Variants in LEPR observed in about 807,000 individuals in gnomAD.
LEPR encodes OB receptor.
In LEPR, 56 loss-of-function variants were observed where a neutral mutation model predicts 114.7. That is an observed-to-expected ratio of 0.49 (90% CI 0.39 to 0.61). The LOEUF (loss-of-function observed/expected upper bound fraction) is 0.61, where lower values mean the gene tolerates loss of function less well. LEPR is among the 20% of genes least tolerant of loss of function. The probability of loss-of-function intolerance (pLI) is 0.00; values close to 1 mark genes in which losing one functional copy is unlikely to be tolerated. For missense variants in LEPR, 1,202 were observed against 1,352.9 expected (o/e 0.89, Z 1.75); for synonymous variants, 443 against 461.4 (o/e 0.96, Z 0.51).
chr1:65,616,139 A>G lies in LEPR; in HGVS notation c.2127A>G (p.Ala709=). 1 of 1,614,218 alleles carries G rather than the reference A, an allele frequency of 6.2e-7. No individual in the cohort carries two copies. ...TCACTTTCCTGTGGACAGAGCAAGCACATACTGTTACGGTTCTGGCCATCA... is the reference window on the plus strand; with the variant it reads ...TCACTTTCCTGTGGACAGAGCAAGCGCATACTGTTACGGTTCTGGCCATCA... The part of the protein sequence containing the change: ...TKFTFLWTEQ[A]HTVTVLAINS... The change falls in exon 15 of 20, where the codon GCA becomes GCG. Residue 709 remains alanine, a synonymous_variant. Coordinates refer to ENST00000349533, the MANE Select transcript of LEPR (RefSeq NM_002303.6).
At chr1:65,428,659 C>T (rs3790433) in intron 2 of LEPR, among the ~76,000 whole-genome samples, 59,082 of 151,794 alleles carry the variant, frequency 0.39, 14,616 homozygotes, top group African/African-American at 0.71. Context: ...GCTGTCTGGG[C>T]GTATCTGTGT....
intron 2 of LEPR, among the ~76,000 whole-genome samples, chr1:65,556,646 A>G (rs566352466): frequency 2.0e-5 from 3 of 152,154 alleles, no homozygotes; most frequent in Non-Finnish European, 4.4e-5. Context: ...ATTCTCAAAC[A>G]GCTGTATCTG....
At chr1:65,588,623 C>T (rs1168608726) in intron 5 of LEPR, among the ~76,000 whole-genome samples, 1 of 152,068 alleles carries the variant, frequency 6.6e-6, no homozygotes, top group Non-Finnish European at 1.5e-5. Flanking sequence ...CAGGGAATGG[C>T]TGATCTGATT....
At position 65,618,113 on chromosome 1, in the gene LEPR, A is replaced by C. The variant is rs748022062; in HGVS notation, c.2362A>C (p.Ile788Leu). The stretch of plus-strand genomic sequence containing the variant: ...AGATGGTGAAATAAAATGGCTTAGA[A>C]TCTCTTCATCTGTTAAGAAGTATTA... ...NEDGEIKWLR[I>L]SSSVKKYYIH... The change falls in exon 16 of 20, where the codon ATC becomes CTC. Residue 788 changes from isoleucine to leucine, a missense_variant. Coordinates refer to ENST00000349533, the MANE Select transcript of LEPR (RefSeq NM_002303.6). 5.6e-6 allele frequency: 9 copies of C among 1,609,954 alleles called. No homozygotes were observed. The East Asian group carries it at 1.8e-4, about 32-fold the overall frequency.
At position 65,617,970 on chromosome 1, in the gene LEPR, T is replaced by C. The variant is rs747152156; in HGVS notation, c.2219T>C (p.Ile740Thr). The change falls in exon 16 of 20, where the codon ATC becomes ACC. Residue 740 changes from isoleucine (I) to threonine (T), a missense_variant. Coordinates refer to ENST00000349533, the MANE Select transcript of LEPR (RefSeq NM_002303.6). ...TTCCTTCTTTTCCCCTCAGTAAATA[T>C]CGTGCAGTCACTCAGTGCTTATCCT... ...TFSWPMSKVN[I>T]VQSLSAYPLN... 1.9e-6 allele frequency: 3 copies of C among 1,608,482 alleles called. No individual in the cohort carries two copies. Among genetic ancestry groups the C allele is most frequent in the East Asian group, 2.2e-5 (1 of 44,702 alleles).
At chr1:65,426,311 C>T (rs1400100989) in intron 2 of LEPR, among the ~76,000 whole-genome samples, 1 of 140,682 alleles carries the variant, frequency 7.1e-6, no homozygotes, top group African/African-American at 3.2e-5. Context: ...AGTGGAGTGG[C>T]AAAAGAAGGG....
intron 2 of LEPR, among the ~76,000 whole-genome samples, chr1:65,549,691 G>A (rs1366186275): frequency 4.6e-5 from 7 of 152,084 alleles, no homozygotes; most frequent in African/African-American, 2.4e-5. Context: ...TCTCTGTATT[G>A]GTTATTCTAG....
In LEPR at chr1:65,516,452, A is replaced by AAAC. The variant is rs1217298323; in HGVS notation, c.-20-49094_-20-49093insAAC. On this transcript the variant is annotated intron_variant, in intron 2 of 19. Coordinates refer to ENST00000349533, the MANE Select transcript of LEPR (RefSeq NM_002303.6). Reference sequence around the variant, plus strand: ...GAGCGAGACTCCGTCTCAAAAAAAAACAAACCAAACCAAACCAAACCAAAA... The same window carrying AAAC: ...GAGCGAGACTCCGTCTCAAAAAAAAAAACCAAACCAAACCAAACCAAACCAAAA... Among the ~76,000 whole-genome samples the AAAC allele has an allele frequency of 2.8e-4, 41 of 147,442 alleles. 1 individual carries two copies. Among genetic ancestry groups the AAAC allele is most frequent in the African/African-American group, 9.8e-4 (39 of 39,644 alleles).
At chr1:65,550,546 G>T (rs1359555129) in intron 2 of LEPR, among the ~76,000 whole-genome samples, 1 of 152,202 alleles carries the variant, frequency 6.6e-6, no homozygotes, top group Non-Finnish European at 1.5e-5. Context: ...CAGCCTCGCT[G>T]CCGCCTTGAA....
chr1:65,443,247 A>G (rs1646672088), intron 2 of LEPR, among the ~76,000 whole-genome samples: 1 of 152,120 alleles, frequency 6.6e-6, no homozygotes, highest in South Asian at 2.1e-4. Context: ...TTTCCTAAAC[A>G]CCAGTACTAA....
intron 2 of LEPR, among the ~76,000 whole-genome samples, chr1:65,482,135 C>T (rs1486485972): frequency 1.3e-5 from 2 of 151,656 alleles, no homozygotes; most frequent in African/African-American, 4.8e-5. Flanking sequence ...CACACACACA[C>T]ACACACACAC....
chr1:65,633,889 C>A lies in LEPR; in HGVS notation c.2674-2302C>A. 1 of 985,366 alleles carries A rather than the reference C, an allele frequency of 1.0e-6. No homozygotes were observed. The highest frequency in any genetic ancestry group is 4.7e-5 in the South Asian group (1 of 21,286). The allele number at this position is 985,366 out of a possible 1,614,324, so 61.0% of individuals were successfully genotyped here. ...GGAGTTACAGTTCATATCAGGATGA[C>A]CCTACATACCCAGGTCAGATTGACG... On this transcript the variant is annotated intron_variant, in intron 19 of 19. Coordinates refer to ENST00000349533, the MANE Select transcript of LEPR (RefSeq NM_002303.6). This position sits in a 1 kb window ranked among gnomAD's most constrained non-coding sequence, Gnocchi z 4.1.
Position 65,420,728 on chromosome 1 carries a change from G to A in LEPR, c.-109G>A, listed in dbSNP as rs1646227962. ...CCGCGGCCCCAGTTCGGGAGACATG[G>A]CGGGCGTTAAAGGTACATCGCGGTC... On this transcript the variant is annotated 5_prime_UTR_variant, in exon 1 of 20. Transcript: ENST00000349533. The A allele has an allele frequency of 6.3e-7, 1 of 1,584,212 alleles. No homozygotes were observed. Among genetic ancestry groups the A allele is most frequent in the Non-Finnish European group, 8.6e-7 (1 of 1,167,600 alleles).
At chr1:65,552,343 G>A (rs1018602808) in intron 2 of LEPR, among the ~76,000 whole-genome samples, 1 of 152,134 alleles carries the variant, frequency 6.6e-6, no homozygotes, top group Non-Finnish European at 1.5e-5. Flanking sequence ...GGCAGTTTAA[G>A]TCTCTTTGTA....
intron 1 of LEPR, 64 bp downstream of exon 1, chr1:65,420,804 C>A: frequency 6.5e-7 from 1 of 1,543,254 alleles, no homozygotes; most frequent in African/African-American, 1.4e-5. Context: ...CCGGTCAAGC[C>A]TGGGGCTGCG....
In LEPR at chr1:65,438,003, T is replaced by G. The variant is rs971378072; in HGVS notation, c.-21+12625T>G. On this transcript the variant is annotated intron_variant, in intron 2 of 19. Transcript: ENST00000349533. ...ATTTATTTTTTGTAGAGATGAAGTT[T>G]CCCTACATTGACCAGGCTGCTCTCC... 3.3e-5 allele frequency among the ~76,000 whole-genome samples: 5 copies of G among 151,796 alleles called. No individual in the cohort carries two copies. The East Asian group carries it at 5.9e-4, about 18-fold the overall frequency.
chr1:65,505,840 C>G (rs1265969195), intron 2 of LEPR, among the ~76,000 whole-genome samples: 1 of 151,594 alleles, frequency 6.6e-6, no homozygotes, highest in Non-Finnish European at 1.5e-5. Flanking sequence ...TCATCTGTTT[C>G]CTGATAGGCT....
chr1:65,571,212 A>G (rs1037107863), intron 4 of LEPR, among the ~76,000 whole-genome samples: 3 of 152,156 alleles, frequency 2.0e-5, no homozygotes, highest in African/African-American at 7.2e-5. Context: ...GTTTTTCAGA[A>G]AGAATAGCTA....
At chr1:65,506,212 C>T (rs1648719746) in intron 2 of LEPR, among the ~76,000 whole-genome samples, 1 of 152,124 alleles carries the variant, frequency 6.6e-6, no homozygotes, top group Non-Finnish European at 1.5e-5. Flanking sequence ...CAATGGCTGT[C>T]ACAGTAGACA....
Sources: gnomAD v4.1 joint callset for allele counts (sites outside exome capture counted in the v4.1 genomes callset) on GRCh38, gnomAD v4.1.1 for gene constraint, Gnocchi (gnomAD v3.1) non-coding constraint, MANE v1.5 for transcripts, NCBI Gene and HGNC (gene_info 2026-07-23, HGNC 2026-07-21) for gene names.